The following HYDIN variants were observed in gnomAD, a reference collection of about 807,000 sequenced individuals.
HYDIN encodes the protein HYDIN axonemal central pair apparatus protein.
HYDIN carries 132 observed loss-of-function variants against 403.9 expected under a neutral mutation model. The observed-to-expected ratio is 0.33, with a 90% CI of 0.28 to 0.38. The LOEUF is 0.38. Ranked by LOEUF, HYDIN falls within the 10% of genes least tolerant of loss-of-function variation. The probability of loss-of-function intolerance (pLI) is 1.00; values close to 1 mark genes in which losing one functional copy is unlikely to be tolerated. For missense variants in HYDIN, 2,827 were observed against 5,009.5 expected (o/e 0.56, Z 13.15); for synonymous variants, 1,202 against 1,891.7 (o/e 0.64, Z 9.46).
At position 70,903,687 on chromosome 16, in the gene HYDIN, C is replaced by A. The variant is rs79166414; in HGVS notation, c.8787G>T (p.Gly2929=). The change falls in exon 52 of 86, where the codon GGG becomes GGT. Residue 2929 remains glycine, a synonymous_variant. Coordinates refer to ENST00000393567, the MANE Select transcript of HYDIN (RefSeq NM_001270974.2). Reference sequence around the variant, plus strand: ...GTTCCAGCTCTAGTTCCGGGCGGATCCCCTGGCAGCTTAATTGGAAGATGG... The same window carrying A: ...GTTCCAGCTCTAGTTCCGGGCGGATACCCTGGCAGCTTAATTGGAAGATGG... ...EPAIFQLSCQ[G]IRPELELEPR... 2 of 280,932 alleles carry A rather than the reference C, an allele frequency of 7.1e-6. No individual in the cohort carries two copies. The highest frequency in any genetic ancestry group is 7.6e-5 in the Admixed American group (1 of 13,214). The allele number at this position is 280,932 out of a possible 1,614,324, so 17.4% of individuals were successfully genotyped here.
intron 1 of HYDIN, among the ~76,000 whole-genome samples, chr16:71,213,312 A>C (rs1051682859): frequency 1.3e-5 from 2 of 152,130 alleles, no homozygotes; most frequent in East Asian, 1.9e-4. Context: ...GAATTTAAAA[A>C]ATAATAATAG....
At chr16:70,834,228 G>C in intron 78 of HYDIN, 64 bp from the exon 79 acceptor site, 2 of 1,094,072 alleles carry the variant, frequency 1.8e-6, no homozygotes, top group South Asian at 1.5e-5. Flanking sequence ...CTCGGTTCCC[G>C]GAGTTCTTGC....
Position 70,943,835 on chromosome 16 carries a change from G to C in HYDIN, c.6646C>G (p.Gln2216Glu), listed in dbSNP as rs1279926587. 6.2e-7 allele frequency: 1 copy of C among 1,613,166 alleles called. No homozygotes were observed. Among genetic ancestry groups the C allele is most frequent in the Non-Finnish European group, 8.5e-7 (1 of 1,180,020 alleles). Residue 2216 changes from glutamine to glutamate, a missense_variant, in exon 42 of 86, where the codon CAG becomes GAG. Coordinates refer to ENST00000393567, the MANE Select transcript of HYDIN (RefSeq NM_001270974.2). Reference protein sequence around the residue: ...SCVLPDELLVQILAERIQLSD... With the variant: ...SCVLPDELLVEILAERIQLSD... ...ACCTGTATCCGCTCTGCCAGGATCT[G>C]CACGAGAAGTTCATCCGGGAGCACA...
intron 18 of HYDIN, among the ~76,000 whole-genome samples, chr16:71,037,516 T>C (rs907473652): frequency 4.9e-4 from 75 of 151,706 alleles, no homozygotes; most frequent in Non-Finnish European, 9.9e-4. Flanking sequence ...ATTTAGCACA[T>C]GTAGGTAAGG....
Position 70,862,036 on chromosome 16 carries a change from A to C in HYDIN, c.11777+12T>G. 12 of 1,554,234 alleles carry C rather than the reference A, an allele frequency of 7.7e-6. No individual in the cohort carries two copies. The highest frequency in any genetic ancestry group is 1.0e-5 in the Non-Finnish European group (12 of 1,149,528). The stretch of plus-strand genomic sequence containing the variant: ...TGCCAAGAAGGGTGTTGTGGCGAGC[A>C]CATTTTCTTACTGGCAGAAAAGGTT... On this transcript the variant is annotated intron_variant, in intron 69 of 85. Coordinates refer to ENST00000393567, the MANE Select transcript of HYDIN (RefSeq NM_001270974.2).
chr16:70,820,266 C>T (rs1158491760), intron 83 of HYDIN, among the ~76,000 whole-genome samples: 6 of 145,950 alleles, frequency 4.1e-5, no homozygotes, highest in Non-Finnish European at 9.1e-5. Flanking sequence ...TCTCGGCTCC[C>T]GGCAAGCTCC....
intron 15 of HYDIN, among the ~76,000 whole-genome samples, chr16:71,066,302 A>G (rs1301383466): frequency 1.3e-5 from 2 of 152,178 alleles, no homozygotes; most frequent in African/African-American, 4.8e-5. Context: ...AGGAATACTA[A>G]GTAGGTCACA....
intron 83 of HYDIN, among the ~76,000 whole-genome samples, chr16:70,825,740 C>T (rs1383030779): frequency 2.0e-5 from 3 of 151,670 alleles, no homozygotes; most frequent in South Asian, 2.1e-4. Flanking sequence ...TACCATGAAT[C>T]GACTTTCTGT....
At chr16:71,129,954 G>C in intron 8 of HYDIN, 131 bp from the exon 9 acceptor site, 2 of 901,154 alleles carry the variant, frequency 2.2e-6, no homozygotes, top group Non-Finnish European at 3.3e-6. Flanking sequence ...CTTGCCCTGA[G>C]TCTGTAACCT....
chr16:71,222,913 T>C (rs927315039), intron 1 of HYDIN, among the ~76,000 whole-genome samples: 2 of 152,012 alleles, frequency 1.3e-5, no homozygotes, highest in African/African-American at 4.8e-5. Flanking sequence ...ATGACCATAC[T>C]ACCCAAAGCG....
intron 9 of HYDIN, among the ~76,000 whole-genome samples, chr16:71,126,519 C>T (rs1263959928): frequency 3.3e-5 from 5 of 152,136 alleles, no homozygotes; most frequent in Non-Finnish European, 7.3e-5. Context: ...AGCTGTCAGT[C>T]GTGGTAATCT....
intron 47 of HYDIN, among the ~76,000 whole-genome samples, chr16:70,916,692 T>C (rs1370891784): frequency 2.0e-5 from 3 of 152,224 alleles, no homozygotes; most frequent in African/African-American, 7.2e-5. Context: ...TTCTTTAGTA[T>C]CTTTCAATCT....
chr16:71,066,931 G>A (rs1273144820), intron 15 of HYDIN: 1 of 633,324 alleles, frequency 1.6e-6, no homozygotes, highest in African/African-American at 1.8e-5. Flanking sequence ...TAACTCTGGA[G>A]CACTATGTTG....
chr16:70,944,060 A>G, intron 41 of HYDIN, 111 bp from the exon 42 acceptor site: 1 of 785,788 alleles, frequency 1.3e-6, no homozygotes, highest in African/African-American at 1.7e-5. Flanking sequence ...TCATTTCCTC[A>G]TCTGTACAAT....
intron 1 of HYDIN, among the ~76,000 whole-genome samples, chr16:71,219,449 T>C (rs2089076158): frequency 6.6e-6 from 1 of 152,138 alleles, no homozygotes; most frequent in South Asian, 2.1e-4. Flanking sequence ...ACTTTAAGAA[T>C]ATAGGATTTA....
chr16:71,103,024 T>G (rs1217923123), intron 10 of HYDIN, among the ~76,000 whole-genome samples: 1 of 149,408 alleles, frequency 6.7e-6, no homozygotes, highest in African/African-American at 2.5e-5. Context: ...TACAGGAATC[T>G]TTGATGAGTT....
intron 52 of HYDIN, among the ~76,000 whole-genome samples, chr16:70,902,821 A>ATATATATATTTTTTTTTTTT: frequency 8.5e-5 from 4 of 47,288 alleles, no homozygotes; most frequent in South Asian, 7.5e-4. Context: ...ATATATATAT[A>ATATATATATTTTTTTTTTTT]TTTTTTTTTT....
chr16:70,960,761 G>A (rs1199635441), intron 38 of HYDIN, among the ~76,000 whole-genome samples: 1 of 152,102 alleles, frequency 6.6e-6, no homozygotes, highest in Non-Finnish European at 1.5e-5. Context: ...GCACAATCTT[G>A]GCTCACTGCA....
At chr16:71,137,742 G>A (rs1286096871) in intron 7 of HYDIN, among the ~76,000 whole-genome samples, 1 of 151,984 alleles carries the variant, frequency 6.6e-6, no homozygotes, top group Non-Finnish European at 1.5e-5. Context: ...TCTTAAAAAT[G>A]CTTGTACCAA....
Sources: allele counts gnomAD v4.1 joint callset (sites outside exome capture counted in the v4.1 genomes callset), GRCh38; gene constraint gnomAD v4.1.1; transcripts MANE v1.5; gene names NCBI Gene and HGNC (gene_info 2026-07-23, HGNC 2026-07-21).